The following NRXN3 variants were observed in gnomAD, a reference collection of about 807,000 sequenced individuals.
NRXN3 encodes neurexin III.
A neutral mutation model predicts 137.6 loss-of-function variants in NRXN3; 32 were observed. The ratio of observed to expected loss-of-function variants is 0.23; its 90% CI spans 0.18 to 0.31. The LOEUF (loss-of-function observed/expected upper bound fraction) is 0.31, where lower values mean the gene tolerates loss of function less well. Ranked by LOEUF, NRXN3 falls within the 10% of genes least tolerant of loss-of-function variation. NRXN3 has a pLI of 1.00. For missense variants in NRXN3, 1,574 were observed against 2,062.5 expected (o/e 0.76, Z 4.59); for synonymous variants, 798 against 784.5 (o/e 1.02, Z -0.29).
intron 16 of NRXN3, among the ~76,000 whole-genome samples, chr14:79,534,476 C>T (rs12588083): frequency 1.3e-5 from 2 of 151,902 alleles, no homozygotes; most frequent in African/African-American, 4.8e-5. Flanking sequence ...AACGAATGTT[C>T]GAACATAGCC....
chr14:78,217,652 T>C (rs920777510), intron 1 of NRXN3, among the ~76,000 whole-genome samples: 5 of 152,250 alleles, frequency 3.3e-5, no homozygotes, highest in Admixed American at 3.3e-4. Context: ...TCTCTTAATG[T>C]ATATAAATAG....
intron 10 of NRXN3, among the ~76,000 whole-genome samples, chr14:78,872,127 A>G (rs1417170026): frequency 6.6e-6 from 1 of 151,406 alleles, no homozygotes; most frequent in African/African-American, 2.4e-5. Context: ...TTTTATTTTG[A>G]TGTCTTTACA....
intron 2 of NRXN3, among the ~76,000 whole-genome samples, chr14:78,267,255 T>C (rs1223746108): frequency 6.6e-6 from 1 of 152,152 alleles, no homozygotes; most frequent in African/African-American, 2.4e-5. Flanking sequence ...AATTTATAGA[T>C]GAAGTTTAAG....
chr14:78,350,976 TA>T (rs11346211), intron 4 of NRXN3, among the ~76,000 whole-genome samples: 140,607 of 152,150 alleles, frequency 0.92, 65,192 homozygotes, highest in Admixed American at 0.97. Flanking sequence ...TTATAAAAAT[TA>T]AAAAAAATTA....
intron 4 of NRXN3, among the ~76,000 whole-genome samples, chr14:78,341,261 C>T (rs1273866860): frequency 6.6e-6 from 1 of 152,142 alleles, no homozygotes; most frequent in Non-Finnish European, 1.5e-5. Context: ...CAATGCTTTT[C>T]AGACTCTCAT....
intron 19 of NRXN3, among the ~76,000 whole-genome samples, chr14:79,754,350 A>G (rs184104538): frequency 5.9e-5 from 9 of 151,422 alleles, no homozygotes; most frequent in Non-Finnish European, 1.3e-4. Flanking sequence ...TCTCAAAAAC[A>G]TAAATAAATA....
chr14:78,696,312 T>C (rs969726779), intron 6 of NRXN3, among the ~76,000 whole-genome samples: 2 of 151,978 alleles, frequency 1.3e-5, no homozygotes, highest in African/African-American at 4.8e-5. Flanking sequence ...GATAATAAAA[T>C]CTCAGATTCC....
At chr14:78,609,728 A>G (rs535173495) in intron 4 of NRXN3, among the ~76,000 whole-genome samples, 1 of 152,354 alleles carries the variant, frequency 6.6e-6, no homozygotes, top group South Asian at 2.1e-4. Flanking sequence ...TAAGTGTTCA[A>G]TAAATTACCA....
intron 2 of NRXN3, among the ~76,000 whole-genome samples, chr14:78,256,322 G>A (rs2069590923): frequency 6.6e-6 from 1 of 152,224 alleles, no homozygotes; most frequent in Non-Finnish European, 1.5e-5. Flanking sequence ...TGATACACTG[G>A]CAGGAAAGCC....
intron 15 of NRXN3, among the ~76,000 whole-genome samples, chr14:79,171,352 A>T (rs560344039): frequency 2.0e-5 from 3 of 152,290 alleles, no homozygotes; most frequent in African/African-American, 7.2e-5. Flanking sequence ...TCATAAAGTC[A>T]TAAGAGTTGT....
intron 15 of NRXN3, among the ~76,000 whole-genome samples, chr14:79,133,665 C>G (rs2057860481): frequency 6.6e-6 from 1 of 152,120 alleles, no homozygotes; most frequent in Non-Finnish European, 1.5e-5. Context: ...GTGGCTCATG[C>G]CTGTAATCCC....
chr14:79,687,861 A>G (rs2098701529), intron 17 of NRXN3, among the ~76,000 whole-genome samples: 1 of 152,110 alleles, frequency 6.6e-6, no homozygotes, highest in South Asian at 2.1e-4. Flanking sequence ...TTGCTCTTTT[A>G]CTTTCAGTGG....
chr14:78,244,246 A>G (rs972614360), intron 2 of NRXN3, among the ~76,000 whole-genome samples: 1 of 152,166 alleles, frequency 6.6e-6, no homozygotes, highest in Non-Finnish European at 1.5e-5. Context: ...CCTGGCCAAC[A>G]TGATGAAACC....
intron 16 of NRXN3, among the ~76,000 whole-genome samples, chr14:79,473,633 G>A (rs1208260073): frequency 2.0e-5 from 3 of 152,086 alleles, no homozygotes; most frequent in African/African-American, 4.8e-5. Context: ...GACTGGTAAC[G>A]CAAATAAAAA....
intron 10 of NRXN3, among the ~76,000 whole-genome samples, chr14:78,935,149 A>G (rs1329454533): frequency 6.6e-6 from 1 of 152,094 alleles, no homozygotes; most frequent in Non-Finnish European, 1.5e-5. Flanking sequence ...GAATTTGAAA[A>G]ACATCAAACA....
At chr14:78,755,968 T>C (rs1374186146) in intron 8 of NRXN3, among the ~76,000 whole-genome samples, 1 of 152,200 alleles carries the variant, frequency 6.6e-6, no homozygotes, top group Non-Finnish European at 1.5e-5. Flanking sequence ...ATACTTCCAG[T>C]TGAAAAACAT....
intron 4 of NRXN3, among the ~76,000 whole-genome samples, chr14:78,421,527 G>C (rs17107535): frequency 0.11 from 16,773 of 152,052 alleles, 1,407 homozygotes; most frequent in East Asian, 0.37. Flanking sequence ...ATAGATTTAG[G>C]TATAAAATGG....
chr14:78,210,663 G>C (rs969340981), intron 1 of NRXN3, among the ~76,000 whole-genome samples: 11 of 151,918 alleles, frequency 7.2e-5, no homozygotes, highest in East Asian at 1.9e-4. Flanking sequence ...TGTGCCTCTT[G>C]GTGGTCAGTT....
chr14:79,289,842 C>T (rs1220749866), intron 15 of NRXN3, among the ~76,000 whole-genome samples: 1 of 152,126 alleles, frequency 6.6e-6, no homozygotes, highest in Non-Finnish European at 1.5e-5. Context: ...TGTTGCTGCT[C>T]CTCATCTGGA....
Sources: gnomAD v4.1 joint callset for allele counts (sites outside exome capture counted in the v4.1 genomes callset) on GRCh38, gnomAD v4.1.1 for gene constraint, MANE v1.5 for transcripts, NCBI Gene and HGNC (gene_info 2026-07-23, HGNC 2026-07-21) for gene names.